The following ASTN2 variants were observed in gnomAD, a reference collection of about 807,000 sequenced individuals.
The protein encoded by ASTN2 is astrotactin-2.
In ASTN2, 54 loss-of-function variants were observed where a neutral mutation model predicts 139.8. The observed-to-expected ratio is 0.39, with a 90% CI of 0.31 to 0.48. The LOEUF (loss-of-function observed/expected upper bound fraction) is 0.48. Among genes scored for constraint, ASTN2 ranks in the 20% least tolerant of loss-of-function variants. The pLI is 0.95. For synonymous variants in ASTN2, 756 were observed against 719.5 expected, an observed-to-expected ratio of 1.05 and a Z score of -0.81; for missense variants, 1,565 against 1,725.1, an observed-to-expected ratio of 0.91 and a Z score of 1.64.
intron 1 of ASTN2, among the ~76,000 whole-genome samples, chr9:117,344,529 G>A (rs183935311): frequency 4.2e-4 from 64 of 152,232 alleles, no homozygotes; most frequent in Non-Finnish European, 8.4e-4. Context: ...AGTGCCCAGG[G>A]TTGCCTGTGT....
chr9:116,642,499 G>A (rs1857391960), intron 17 of ASTN2, among the ~76,000 whole-genome samples: 1 of 151,984 alleles, frequency 6.6e-6, no homozygotes, highest in Non-Finnish European at 1.5e-5. Flanking sequence ...TTGTTCAAAT[G>A]ATGTAAATGG....
At chr9:117,003,145 G>A (rs1010374642) in intron 7 of ASTN2, among the ~76,000 whole-genome samples, 1 of 152,160 alleles carries the variant, frequency 6.6e-6, no homozygotes, top group African/African-American at 2.4e-5. Context: ...AGAAGATGAG[G>A]TGAAAGAAAC....
chr9:117,157,438 A>G (rs774191462), intron 3 of ASTN2, among the ~76,000 whole-genome samples: 4 of 152,034 alleles, frequency 2.6e-5, no homozygotes, highest in Non-Finnish European at 5.9e-5. Flanking sequence ...TTAAAGCTGG[A>G]CTGAGTTGGG....
intron 1 of ASTN2, among the ~76,000 whole-genome samples, chr9:117,364,125 C>T (rs1829768430): frequency 6.6e-6 from 1 of 152,188 alleles, no homozygotes; most frequent in African/African-American, 2.4e-5. Flanking sequence ...GCATGACCCA[C>T]ATATATTCCC....
intron 10 of ASTN2, among the ~76,000 whole-genome samples, chr9:116,938,024 T>A (rs1835125470): frequency 6.6e-6 from 1 of 152,216 alleles, no homozygotes; most frequent in African/African-American, 2.4e-5. Context: ...ATTCCATTTT[T>A]ACAGATGAGG....
At chr9:116,716,846 G>A (rs1356761362) in intron 16 of ASTN2, among the ~76,000 whole-genome samples, 1 of 152,210 alleles carries the variant, frequency 6.6e-6, no homozygotes, top group Non-Finnish European at 1.5e-5. Flanking sequence ...CCCTGCTCAA[G>A]CTGAAGGTCT....
chr9:117,389,975 G>C (rs563696304), intron 1 of ASTN2, among the ~76,000 whole-genome samples: 13 of 152,080 alleles, frequency 8.5e-5, no homozygotes, highest in Non-Finnish European at 1.9e-4. Flanking sequence ...GAAAGCAAAA[G>C]AAATGCACCA....
At chr9:116,806,696 C>T (rs1474592069) in intron 12 of ASTN2, among the ~76,000 whole-genome samples, 1 of 152,160 alleles carries the variant, frequency 6.6e-6, no homozygotes, top group Non-Finnish European at 1.5e-5. Flanking sequence ...AGTCATTTAA[C>T]TTCTATGATC....
rs555940629 is a variant in ASTN2, at chr9:116,762,965, A to G, written c.2397-29442T>C. 6.6e-5 allele frequency among the ~76,000 whole-genome samples: 10 copies of G among 152,372 alleles called. No individual in the cohort carries two copies. In the South Asian group the frequency reaches 1.9e-3, roughly 28 times the overall value. On this transcript the variant is annotated intron_variant, in intron 13 of 22. Transcript: ENST00000313400. ...TTCACAGATGATGAAACTGAGGCTCAGAGAAATTGGCTCATTTTCCCAAAG... is the reference window on the plus strand; with the variant it reads ...TTCACAGATGATGAAACTGAGGCTCGGAGAAATTGGCTCATTTTCCCAAAG...
chr9:116,444,472 A>G (rs565365975), intron 20 of ASTN2, among the ~76,000 whole-genome samples: 79 of 152,276 alleles, frequency 5.2e-4, no homozygotes, highest in Middle Eastern at 3.4e-3. Flanking sequence ...AGGAGCCAAG[A>G]CTATCATCTG....
chr9:117,245,179 A>T (rs1262264120), intron 2 of ASTN2, among the ~76,000 whole-genome samples: 1 of 152,172 alleles, frequency 6.6e-6, no homozygotes, highest in Non-Finnish European at 1.5e-5. Context: ...GCAATGGATA[A>T]GCTGTCTGTT....
chr9:116,594,948 TACATACATACATACAC>T (rs1420834220), intron 19 of ASTN2, among the ~76,000 whole-genome samples: 1 of 152,008 alleles, frequency 6.6e-6, no homozygotes, highest in African/African-American at 2.4e-5. Context: ...AATACATAGG[TACATACATACATACAC>T]ACATACATAC....
At chr9:116,973,883 C>T (rs1460849785) in intron 10 of ASTN2, among the ~76,000 whole-genome samples, 1 of 152,052 alleles carries the variant, frequency 6.6e-6, no homozygotes, top group Non-Finnish European at 1.5e-5. Context: ...TGCTAATAGC[C>T]TAGAAAAGCA....
intron 19 of ASTN2, among the ~76,000 whole-genome samples, chr9:116,489,692 GC>G (rs1185373380): frequency 2.0e-5 from 3 of 152,222 alleles, no homozygotes; most frequent in African/African-American, 7.2e-5. Context: ...AGTGAATCTT[GC>G]AAGACTTATC....
At chr9:116,461,635 T>G (rs1350079441) in intron 20 of ASTN2, among the ~76,000 whole-genome samples, 2 of 152,034 alleles carry the variant, frequency 1.3e-5, no homozygotes, top group Non-Finnish European at 2.9e-5. Context: ...TCGTATGCCT[T>G]CTCCAGCCTT....
chr9:116,634,916 G>A (rs1856999424), intron 17 of ASTN2, among the ~76,000 whole-genome samples: 1 of 151,968 alleles, frequency 6.6e-6, no homozygotes, highest in Non-Finnish European at 1.5e-5. Context: ...TAAGAAGCAA[G>A]AGAAGAGGAT....
intron 1 of ASTN2, among the ~76,000 whole-genome samples, chr9:117,399,455 G>A (rs1830765160): frequency 6.6e-6 from 1 of 152,128 alleles, no homozygotes; most frequent in African/African-American, 2.4e-5. Context: ...CTGTGCTTGG[G>A]TCGATCAACA....
intron 1 of ASTN2, among the ~76,000 whole-genome samples, chr9:117,350,651 G>A (rs1234722503): frequency 6.6e-6 from 1 of 152,138 alleles, no homozygotes; most frequent in Non-Finnish European, 1.5e-5. Flanking sequence ...CAGAATGAGA[G>A]AAAATGTGCT....
At chr9:116,906,111 G>C (rs1026471594) in intron 10 of ASTN2, among the ~76,000 whole-genome samples, 1 of 151,992 alleles carries the variant, frequency 6.6e-6, no homozygotes. Context: ...CTTGGGGCTC[G>C]AGATGACCAG....
Sources: allele counts gnomAD v4.1 joint callset (sites outside exome capture counted in the v4.1 genomes callset), GRCh38; gene constraint gnomAD v4.1.1; transcripts MANE v1.5; gene names NCBI Gene and HGNC (gene_info 2026-07-23, HGNC 2026-07-21).